Variants in SIPA1L1 observed in about 807,000 individuals in gnomAD.
The protein encoded by SIPA1L1 is signal induced proliferation associated 1 like 1.
Under a neutral mutation model 162.7 loss-of-function variants are expected in SIPA1L1, and 26 were observed. The ratio of observed to expected loss-of-function variants is 0.16; its 90% CI spans 0.12 to 0.22. SIPA1L1 has a LOEUF of 0.22. Ranked by LOEUF, SIPA1L1 falls within the 10% of genes least tolerant of loss-of-function variation. The pLI is 1.00. For missense variants in SIPA1L1, 1,874 were observed against 2,241.0 expected (o/e 0.84, Z 3.31); for synonymous variants, 829 against 837.4 (o/e 0.99, Z 0.17).
At chr14:71,627,545 T>A (rs1034247425) in intron 7 of SIPA1L1, among the ~76,000 whole-genome samples, 1 of 152,178 alleles carries the variant, frequency 6.6e-6, no homozygotes, top group Non-Finnish European at 1.5e-5. Flanking sequence ...TTATAACACT[T>A]GATGCTTTAG....
chr14:71,424,427 T>A (rs1055449286), intron 2 of SIPA1L1, among the ~76,000 whole-genome samples: 2 of 152,118 alleles, frequency 1.3e-5, no homozygotes, highest in Non-Finnish European at 2.9e-5. Flanking sequence ...ATATGTTGCT[T>A]TTATTTTATT....
intron 2 of SIPA1L1, among the ~76,000 whole-genome samples, chr14:71,363,071 CTG>C (rs1180863842): frequency 1.3e-5 from 2 of 152,308 alleles, no homozygotes; most frequent in South Asian, 4.1e-4. Flanking sequence ...GCTTGTAAAA[CTG>C]TATTTACCTT....
At chr14:71,425,100 ATGT>A (rs1429315003) in intron 2 of SIPA1L1, among the ~76,000 whole-genome samples, 2 of 151,994 alleles carry the variant, frequency 1.3e-5, no homozygotes, top group African/African-American at 4.8e-5. Flanking sequence ...ATCAGTAGTA[ATGT>A]CCCCACTTTC....
At chr14:71,556,510 T>G (rs1192131662) in intron 4 of SIPA1L1, among the ~76,000 whole-genome samples, 1 of 152,226 alleles carries the variant, frequency 6.6e-6, no homozygotes, top group East Asian at 1.9e-4. Context: ...TGACCAACTT[T>G]AAGTTGGTGT....
chr14:71,604,503 T>G (rs928901361), intron 5 of SIPA1L1, among the ~76,000 whole-genome samples: 1 of 152,098 alleles, frequency 6.6e-6, no homozygotes. Context: ...GTAGTAGTTA[T>G]CATTCTTTCA....
At chr14:71,563,015 C>A (rs2146670507) in intron 4 of SIPA1L1, among the ~76,000 whole-genome samples, 1 of 152,234 alleles carries the variant, frequency 6.6e-6, no homozygotes, top group East Asian at 1.9e-4. Flanking sequence ...TGTTGTCTGC[C>A]TGTTTCCCTG....
intron 19 of SIPA1L1, among the ~76,000 whole-genome samples, chr14:71,725,792 T>C (rs559037504): frequency 1.3e-5 from 2 of 152,358 alleles, no homozygotes; most frequent in South Asian, 2.1e-4. Flanking sequence ...AGAAAGGTCA[T>C]GGCTGCAAAC....
intron 7 of SIPA1L1, among the ~76,000 whole-genome samples, chr14:71,647,689 A>T (rs1281143621): frequency 6.6e-6 from 1 of 152,088 alleles, no homozygotes; most frequent in East Asian, 1.9e-4. Flanking sequence ...TGGCTGTATT[A>T]AGGACTTCTT....
At chr14:71,334,529 T>G (rs2034887039) in intron 2 of SIPA1L1, among the ~76,000 whole-genome samples, 1 of 152,230 alleles carries the variant, frequency 6.6e-6, no homozygotes, top group South Asian at 2.1e-4. Context: ...CTTCATTTTG[T>G]GTAGAACCAT....
chr14:71,732,510 A>G (rs2084892112), intron 20 of SIPA1L1, among the ~76,000 whole-genome samples: 1 of 152,140 alleles, frequency 6.6e-6, no homozygotes, highest in Non-Finnish European at 1.5e-5. Flanking sequence ...AACCTGAGCA[A>G]TAGGAGCTGC....
intron 2 of SIPA1L1, among the ~76,000 whole-genome samples, chr14:71,493,236 G>A (rs151000459): frequency 1.6e-4 from 25 of 152,120 alleles, no homozygotes; most frequent in Non-Finnish European, 2.8e-4. Flanking sequence ...AGGACTACAG[G>A]TGCCCAAACC....
chr14:71,596,285 A>G (rs1420537063), intron 5 of SIPA1L1, among the ~76,000 whole-genome samples: 2 of 152,210 alleles, frequency 1.3e-5, no homozygotes, highest in South Asian at 2.1e-4. Context: ...TTGGGGAGTA[A>G]TAGCCAGGTC....
chr14:71,674,967 G>A (rs559013675), intron 12 of SIPA1L1, among the ~76,000 whole-genome samples: 34 of 152,336 alleles, frequency 2.2e-4, no homozygotes, highest in African/African-American at 7.9e-4. Context: ...GAACTGCCAC[G>A]TTGTGTGCTT....
chr14:71,691,614 G>A (rs2081260990), intron 13 of SIPA1L1, among the ~76,000 whole-genome samples: 1 of 151,978 alleles, frequency 6.6e-6, no homozygotes, highest in South Asian at 2.1e-4. Flanking sequence ...TTGTCTATGT[G>A]GACTTGCCTT....
chr14:71,519,950 A>G (rs559863125), intron 3 of SIPA1L1, among the ~76,000 whole-genome samples: 17 of 152,280 alleles, frequency 1.1e-4, no homozygotes, highest in Non-Finnish European at 1.8e-4. Flanking sequence ...GTAAGAATGA[A>G]TAAATGATTA....
chr14:71,499,827 G>T (rs1410365843), intron 2 of SIPA1L1, among the ~76,000 whole-genome samples: 2 of 152,094 alleles, frequency 1.3e-5, no homozygotes, highest in Non-Finnish European at 2.9e-5. Flanking sequence ...GAGCCACTGT[G>T]CAAAATTGTT....
At chr14:71,647,704 A>T (rs934578309) in intron 7 of SIPA1L1, among the ~76,000 whole-genome samples, 1 of 152,164 alleles carries the variant, frequency 6.6e-6, no homozygotes, top group African/African-American at 2.4e-5. Context: ...CTTCTTTTGT[A>T]ATAGACATCG....
intron 2 of SIPA1L1, among the ~76,000 whole-genome samples, chr14:71,329,368 A>G (rs1271351942): frequency 6.6e-6 from 1 of 150,642 alleles, no homozygotes; most frequent in East Asian, 1.9e-4. Flanking sequence ...AATCTCATCA[A>G]CAGTTCATAA....
intron 2 of SIPA1L1, among the ~76,000 whole-genome samples, chr14:71,421,772 T>C (rs2043203181): frequency 6.6e-6 from 1 of 152,178 alleles, no homozygotes; most frequent in South Asian, 2.1e-4. Flanking sequence ...ATTACCTGGA[T>C]TGAAAGTCCA....
Sources: gnomAD v4.1 joint callset for allele counts (sites outside exome capture counted in the v4.1 genomes callset) on GRCh38, gnomAD v4.1.1 for gene constraint, MANE v1.5 for transcripts, NCBI Gene and HGNC (gene_info 2026-07-23, HGNC 2026-07-21) for gene names.